The following DLGAP1 variants were observed in gnomAD, a reference collection of about 807,000 sequenced individuals.
DLGAP1 encodes the protein DLG associated protein 1, also known as disks large-associated protein 1.
DLGAP1 carries 11 observed loss-of-function variants against 90.8 expected under a neutral mutation model. The ratio of observed to expected loss-of-function variants is 0.12; its 90% CI spans 0.08 to 0.20. The LOEUF (loss-of-function observed/expected upper bound fraction) is 0.20. Ranked by LOEUF, DLGAP1 falls within the 10% of genes least tolerant of loss-of-function variation. The pLI, the probability that DLGAP1 is intolerant of heterozygous loss-of-function variation, is 1.00. For synonymous variants in DLGAP1, 558 were observed against 540.7 expected (o/e 1.03, Z -0.44); for missense variants, 1,050 against 1,333.8 (o/e 0.79, Z 3.31).
chr18:4,066,241 A>C (rs1324196059), intron 2 of DLGAP1, among the ~76,000 whole-genome samples: 2 of 152,216 alleles, frequency 1.3e-5, no homozygotes, highest in Non-Finnish European at 2.9e-5. Context: ...CATTCAGGAC[A>C]TAGGCACAGT....
At chr18:3,575,617 T>C (rs776956711) in intron 8 of DLGAP1, among the ~76,000 whole-genome samples, 1 of 152,258 alleles carries the variant, frequency 6.6e-6, no homozygotes, top group Non-Finnish European at 1.5e-5. Context: ...TATTTTGCTC[T>C]ATACACTCCT....
intron 7 of DLGAP1, among the ~76,000 whole-genome samples, chr18:3,631,645 G>A (rs1278418864): frequency 2.0e-5 from 3 of 152,024 alleles, no homozygotes; most frequent in Non-Finnish European, 2.9e-5. Context: ...TACTCGAGAG[G>A]CTGAGGCAGG....
chr18:4,239,727 G>T (rs183894211), intron 1 of DLGAP1, among the ~76,000 whole-genome samples: 26 of 152,230 alleles, frequency 1.7e-4, no homozygotes, highest in Admixed American at 1.6e-3. Context: ...AAACTATACA[G>T]GCCTCCTTAG....
At chr18:4,138,951 G>A (rs2076450795) in intron 2 of DLGAP1, among the ~76,000 whole-genome samples, 1 of 151,876 alleles carries the variant, frequency 6.6e-6, no homozygotes, top group African/African-American at 2.4e-5. Context: ...AGTCTCTAAC[G>A]ATCCTTTAAA....
At chr18:4,069,995 T>G (rs2075423932) in intron 2 of DLGAP1, among the ~76,000 whole-genome samples, 1 of 152,196 alleles carries the variant, frequency 6.6e-6, no homozygotes, top group African/African-American at 2.4e-5. Context: ...TTTCTTTTTT[T>G]TTTTTGAGAC....
At chr18:4,028,927 A>T (rs1372632) in intron 2 of DLGAP1, among the ~76,000 whole-genome samples, 35,425 of 152,104 alleles carry the variant, frequency 0.23, 4,431 homozygotes, top group South Asian at 0.41. Context: ...GCAATACATT[A>T]ACAATAGTCC....
chr18:4,045,891 C>T (rs2075047366), intron 2 of DLGAP1, among the ~76,000 whole-genome samples: 1 of 151,228 alleles, frequency 6.6e-6, no homozygotes, highest in Admixed American at 6.6e-5. Context: ...CCTCCTACCT[C>T]AGCCTCCCAA....
At chr18:3,939,041 C>T (rs917002387) in intron 3 of DLGAP1, among the ~76,000 whole-genome samples, 4 of 152,094 alleles carry the variant, frequency 2.6e-5, no homozygotes, top group Non-Finnish European at 4.4e-5. Context: ...AGGGAATAGA[C>T]AGGGAAGAGG....
At chr18:3,785,755 T>G (rs535039234) in intron 5 of DLGAP1, among the ~76,000 whole-genome samples, 1 of 152,258 alleles carries the variant, frequency 6.6e-6, no homozygotes, top group East Asian at 1.9e-4. Flanking sequence ...GCAACTGTGG[T>G]TCTCTTTGGG....
At chr18:3,938,673 G>GGAGT (rs1377363903) in intron 3 of DLGAP1, among the ~76,000 whole-genome samples, 2 of 152,212 alleles carry the variant, frequency 1.3e-5, no homozygotes, top group Non-Finnish European at 2.9e-5. Context: ...CAAGGAGACA[G>GGAGT]GAGTAGCTGG....
At chr18:3,991,247 T>A (rs1329528618) in intron 3 of DLGAP1, among the ~76,000 whole-genome samples, 1 of 152,200 alleles carries the variant, frequency 6.6e-6, no homozygotes, top group East Asian at 1.9e-4. Flanking sequence ...TTTTATAGTT[T>A]TTTACTGATG....
chr18:3,694,760 C>T (rs890412539), intron 7 of DLGAP1, among the ~76,000 whole-genome samples: 5 of 151,866 alleles, frequency 3.3e-5, no homozygotes, highest in Non-Finnish European at 5.9e-5. Flanking sequence ...GCTTAAGTTC[C>T]TTGTAGATTC....
intron 1 of DLGAP1, among the ~76,000 whole-genome samples, chr18:4,187,879 C>A (rs1161726984): frequency 6.6e-6 from 1 of 151,970 alleles, no homozygotes; most frequent in Admixed American, 6.6e-5. Flanking sequence ...CACCTGTAAT[C>A]CCAGCTATTT....
Position 3,880,033 on chromosome 18 carries a change from G to C in DLGAP1, c.36C>G (p.His12Gln), listed in dbSNP as rs769307108. Residue 12 changes from histidine (H) to glutamine (Q), a missense_variant, in exon 4 of 13, where the codon CAC (histidine) becomes CAG (glutamine). By Grantham distance (24) the His-to-Gln change is conservative. Transcript: ENST00000315677. ...CACAGGCCGAGTCGCAGGTGACCCC[G>C]TGGTGATGGCTGCGGCTGCCTGATA... ...KGLSGSRSHH[H>Q]GVTCDSACDS... 2.5e-6 allele frequency: 4 copies of C among 1,606,246 alleles called. No individual in the cohort carries two copies. The highest frequency in any genetic ancestry group is 3.4e-6 in the Non-Finnish European group (4 of 1,179,846).
chr18:4,052,217 TC>T (rs1455167108), intron 2 of DLGAP1, among the ~76,000 whole-genome samples: 1 of 152,234 alleles, frequency 6.6e-6, no homozygotes, highest in Non-Finnish European at 1.5e-5. Context: ...CTGTGGGGAC[TC>T]TAACCCCACA....
intron 3 of DLGAP1, among the ~76,000 whole-genome samples, chr18:3,993,542 A>G (rs1282177442): frequency 6.6e-6 from 1 of 152,140 alleles, no homozygotes; most frequent in Non-Finnish European, 1.5e-5. Context: ...TGGGGCAAGG[A>G]GAGCAATATT....
chr18:3,652,163 CAA>C (rs756445206), intron 7 of DLGAP1, among the ~76,000 whole-genome samples: 35 of 93,392 alleles, frequency 3.7e-4, no homozygotes, highest in African/African-American at 4.4e-4. Context: ...GACTCTGTAT[CAA>C]AAAAAAAAAA....
chr18:4,232,991 T>C (rs1281553142), intron 1 of DLGAP1, among the ~76,000 whole-genome samples: 2 of 152,208 alleles, frequency 1.3e-5, no homozygotes, highest in African/African-American at 4.8e-5. Context: ...TACTGAGTAA[T>C]GAGGAGAATC....
intron 1 of DLGAP1, among the ~76,000 whole-genome samples, chr18:4,359,110 T>C (rs1346691320): frequency 1.3e-5 from 2 of 152,212 alleles, no homozygotes; most frequent in African/African-American, 4.8e-5. Context: ...CTAGCTTTTA[T>C]TTAGGGACTG....
Sources: gnomAD v4.1 joint callset for allele counts (sites outside exome capture counted in the v4.1 genomes callset) on GRCh38, gnomAD v4.1.1 for gene constraint, MANE v1.5 for transcripts, NCBI Gene and HGNC (gene_info 2026-07-23, HGNC 2026-07-21) for gene names.